METTL15: variants seen among roughly 807,000 people sequenced by gnomAD.
The protein encoded by METTL15 is 12S rRNA N(4)-cytidine methyltransferase METTL15.
A neutral mutation model predicts 38.3 loss-of-function variants in METTL15; 34 were observed. That is an observed-to-expected ratio of 0.89 (90% CI 0.68 to 1.18). The LOEUF (loss-of-function observed/expected upper bound fraction) is 1.18, where lower values mean the gene tolerates loss of function less well. Among genes scored for constraint, METTL15 ranks in the 50% most tolerant of loss-of-function variants. METTL15 has a pLI of 0.00. For missense variants in METTL15, 438 were observed against 498.4 expected (o/e 0.88, Z 1.15); for synonymous variants, 162 against 170.9 (o/e 0.95, Z 0.41).
At chr11:28,153,167 ACCT>A (rs1850151265) in intron 3 of METTL15, among the ~76,000 whole-genome samples, 1 of 151,380 alleles carries the variant, frequency 6.6e-6, no homozygotes, top group African/African-American at 2.4e-5. Flanking sequence ...TCTTGTGCTG[ACCT>A]CCTATTTCTT....
rs552925480 is a variant in METTL15 at position 28,141,348 on chromosome 11, G to A, written c.270+27744G>A. Among the ~76,000 whole-genome samples, 9 of 152,114 alleles carry A rather than the reference G, an allele frequency of 5.9e-5. No individual in the cohort carries two copies. In the South Asian group the frequency reaches 1.9e-3, roughly 32 times the overall value. On this transcript the variant is annotated intron_variant, in intron 3 of 6. Coordinates refer to ENST00000407364, the MANE Select transcript of METTL15 (RefSeq NM_001113528.2). ...GTGGTATGGCCGAATGCACGAGTCT[G>A]AAAAATATCTGAAAGATCAATCTTA...
At chr11:28,477,185 A>C (rs75487741) in intron 6 of METTL15, among the ~76,000 whole-genome samples, 1,594 of 151,980 alleles carry the variant, frequency 0.01, 17 homozygotes, top group Middle Eastern at 0.027. Flanking sequence ...ATTGCAATTT[A>C]TTTTCTTTTC....
At chr11:28,221,162 A>G (rs760833868) in intron 4 of METTL15, among the ~76,000 whole-genome samples, 4 of 152,154 alleles carry the variant, frequency 2.6e-5, no homozygotes, top group East Asian at 3.8e-4. Context: ...CTGTTTTCCA[A>G]CTTGGTTCCA....
At chr11:28,300,719 A>G (rs1370358469) in intron 6 of METTL15, among the ~76,000 whole-genome samples, 25 of 152,178 alleles carry the variant, frequency 1.6e-4, no homozygotes, top group Non-Finnish European at 5.9e-5. Flanking sequence ...CTGGCCGTGA[A>G]TCTTAATATA....
intron 3 of METTL15, among the ~76,000 whole-genome samples, chr11:28,195,052 G>A (rs1174429103): frequency 6.6e-6 from 1 of 151,818 alleles, no homozygotes; most frequent in Admixed American, 6.6e-5. Flanking sequence ...TTTTGGTTGA[G>A]TGGTATTCCA....
chr11:28,113,261 G>A, intron 2 of METTL15, 57 bp from the exon 3 acceptor site: 1 of 1,193,858 alleles, frequency 8.4e-7, no homozygotes, highest in Non-Finnish European at 1.2e-6. Context: ...TTTTCCCCAA[G>A]TATTAGAACA....
intron 6 of METTL15, among the ~76,000 whole-genome samples, chr11:28,485,139 A>ACACACT (rs397775439): frequency 6.7e-6 from 1 of 150,364 alleles, no homozygotes; most frequent in Non-Finnish European, 1.5e-5. Context: ...ACACACACAC[A>ACACACT]CTCACACCCC....
chr11:28,283,477 T>C (rs1856133080), intron 4 of METTL15, among the ~76,000 whole-genome samples: 1 of 152,198 alleles, frequency 6.6e-6, no homozygotes, highest in Admixed American at 6.6e-5. Flanking sequence ...TCTTATTAGA[T>C]TGTATGCCGT....
chr11:28,125,593 C>T lies in METTL15; in HGVS notation c.270+11989C>T, dbSNP rs980292333. 13 of 151,824 alleles carry T rather than the reference C, an allele frequency of 8.6e-5. No individual in the cohort carries two copies. In the South Asian group the frequency reaches 1.5e-3, roughly 17 times the overall value. The allele number at this position is 151,824 out of a possible 1,614,324, so 9.4% of individuals were successfully genotyped here. On this transcript the variant is annotated intron_variant, in intron 3 of 6. Transcript: ENST00000407364. ...ATTACATATGGAAAAAAATCAAAAC[C>T]GCAATGTTACAGGTCTCTCACACCT...
chr11:28,259,177 G>A (rs986688961), intron 4 of METTL15, among the ~76,000 whole-genome samples: 1 of 152,056 alleles, frequency 6.6e-6, no homozygotes, highest in Non-Finnish European at 1.5e-5. Context: ...TGTCATCCAA[G>A]AGCTAGAGCC....
intron 6 of METTL15, among the ~76,000 whole-genome samples, chr11:28,495,491 C>T (rs890168382): frequency 2.6e-5 from 4 of 152,154 alleles, no homozygotes; most frequent in African/African-American, 4.8e-5. Flanking sequence ...ACTACCATCT[C>T]GGCTCCTCCT....
At chr11:28,161,942 A>T (rs879479080) in intron 3 of METTL15, among the ~76,000 whole-genome samples, 8 of 152,186 alleles carry the variant, frequency 5.3e-5, no homozygotes, top group Non-Finnish European at 1.0e-4. Context: ...ATTAGATTAG[A>T]TGATACTGCA....
At chr11:28,328,978 C>T (rs1013836577) in intron 6 of METTL15, among the ~76,000 whole-genome samples, 1 of 151,946 alleles carries the variant, frequency 6.6e-6, no homozygotes, top group South Asian at 2.1e-4. Flanking sequence ...TCCAGTTTAT[C>T]TAATTTTTTC....
At chr11:28,299,634 A>G (rs557969665) in intron 6 of METTL15, among the ~76,000 whole-genome samples, 2 of 152,272 alleles carry the variant, frequency 1.3e-5, no homozygotes, top group African/African-American at 4.8e-5. Context: ...AAATCTGTCC[A>G]GTCCAATAAA....
intron 3 of METTL15, among the ~76,000 whole-genome samples, chr11:28,342,225 G>C (rs1849959054): frequency 6.6e-6 from 1 of 151,904 alleles, no homozygotes; most frequent in Non-Finnish European, 1.5e-5. Context: ...TGATTTAGTT[G>C]TGCACCCATT....
At chr11:28,182,909 G>T (rs1364209681) in intron 3 of METTL15, among the ~76,000 whole-genome samples, 1 of 151,994 alleles carries the variant, frequency 6.6e-6, no homozygotes, top group Admixed American at 6.6e-5. Context: ...TTTTCTATTT[G>T]TTTGTGTCCT....
chr11:28,166,078 T>C (rs1022502451), intron 3 of METTL15, among the ~76,000 whole-genome samples: 1 of 152,166 alleles, frequency 6.6e-6, no homozygotes, highest in Non-Finnish European at 1.5e-5. Flanking sequence ...AATGTGATTC[T>C]TCCAACTTTG....
intron 3 of METTL15, among the ~76,000 whole-genome samples, chr11:28,166,842 C>T (rs985207651): frequency 9.2e-5 from 14 of 152,120 alleles, no homozygotes; most frequent in South Asian, 2.1e-4. Context: ...CCAGCTACTC[C>T]GGAGCCTGTG....
At chr11:28,380,719 A>T (rs930689140) in intron 5 of METTL15, among the ~76,000 whole-genome samples, 1 of 152,204 alleles carries the variant, frequency 6.6e-6, no homozygotes, top group Non-Finnish European at 1.5e-5. Context: ...TGTTTAAAAG[A>T]TGACAACATA....
Sources: allele counts gnomAD v4.1 joint callset (sites outside exome capture counted in the v4.1 genomes callset), GRCh38; gene constraint gnomAD v4.1.1; transcripts MANE v1.5; gene names NCBI Gene and HGNC (gene_info 2026-07-23, HGNC 2026-07-21).